The following DOCK3 variants were observed in gnomAD, a reference collection of about 807,000 sequenced individuals.
DOCK3 encodes dedicator of cytokinesis 3, also known as dedicator of cytokinesis protein 3.
A neutral mutation model predicts 265.6 loss-of-function variants in DOCK3; 60 were observed. That is an observed-to-expected ratio of 0.23 (90% CI 0.18 to 0.28). The LOEUF is 0.28. DOCK3 is among the 10% of genes least tolerant of loss of function. DOCK3 has a pLI of 1.00. For synonymous variants in DOCK3, 881 were observed against 938.0 expected, an observed-to-expected ratio of 0.94 and a Z score of 1.11; for missense variants, 1,981 against 2,594.3, an observed-to-expected ratio of 0.76 and a Z score of 5.14.
At chr3:50,713,647 T>A (rs1008466046) in intron 1 of DOCK3, among the ~76,000 whole-genome samples, 4 of 151,546 alleles carry the variant, frequency 2.6e-5, no homozygotes, top group Non-Finnish European at 4.4e-5. Flanking sequence ...ATTATATATA[T>A]ATATATATTT....
chr3:50,698,744 A>T (rs2035836264), intron 1 of DOCK3, among the ~76,000 whole-genome samples: 1 of 150,932 alleles, frequency 6.6e-6, no homozygotes, highest in Non-Finnish European at 1.5e-5. Context: ...TGTGGTTTTA[A>T]TTTGCATTTC....
chr3:50,710,199 C>T (rs193070225), intron 1 of DOCK3, among the ~76,000 whole-genome samples: 2 of 152,140 alleles, frequency 1.3e-5, no homozygotes, highest in East Asian at 3.9e-4. Context: ...TTTTGTACAG[C>T]AAAAGAAATA....
chr3:50,905,056 AAGATC>A (rs2049410358), intron 4 of DOCK3, among the ~76,000 whole-genome samples: 1 of 152,212 alleles, frequency 6.6e-6, no homozygotes, highest in Admixed American at 6.5e-5. Flanking sequence ...AGCTTTGTCA[AAGATC>A]AGATGGTTGT....
chr3:50,912,352 G>A (rs2049901277), intron 4 of DOCK3, among the ~76,000 whole-genome samples: 1 of 152,088 alleles, frequency 6.6e-6, no homozygotes, highest in African/African-American at 2.4e-5. Flanking sequence ...AGTGACACAA[G>A]CACCTCTGTG....
chr3:51,073,309 A>G (rs2081950856), intron 6 of DOCK3, among the ~76,000 whole-genome samples: 1 of 28,542 alleles, frequency 3.5e-5, no homozygotes, highest in Non-Finnish European at 6.0e-5. Flanking sequence ...TATATCTGCA[A>G]AATTATCTTT....
intron 22 of DOCK3, among the ~76,000 whole-genome samples, chr3:51,249,155 G>C (rs2079020006): frequency 1.2e-5 from 1 of 84,766 alleles, no homozygotes; most frequent in African/African-American, 4.6e-5. Context: ...GGAGGTGGGG[G>C]GGTCAGCCCC....
intron 1 of DOCK3, among the ~76,000 whole-genome samples, chr3:50,728,728 A>ATTTT (rs10630436): frequency 6.8e-6 from 1 of 147,514 alleles, no homozygotes; most frequent in Non-Finnish European, 1.5e-5. Context: ...AATAAATAGA[A>ATTTT]TTTTTTTTTT....
chr3:51,013,281 T>G (rs543950566), intron 5 of DOCK3, among the ~76,000 whole-genome samples: 1 of 152,320 alleles, frequency 6.6e-6, no homozygotes, highest in South Asian at 2.1e-4. Flanking sequence ...CCCATCTTTG[T>G]GGTTTTATCT....
intron 2 of DOCK3, among the ~76,000 whole-genome samples, chr3:50,803,365 A>G (rs1246958745): frequency 4.6e-5 from 7 of 152,206 alleles, no homozygotes; most frequent in Non-Finnish European, 1.0e-4. Context: ...GACACAGCAC[A>G]TGTTTCAGAG....
At chr3:50,997,382 C>T (rs543175841) in intron 5 of DOCK3, among the ~76,000 whole-genome samples, 4 of 152,018 alleles carry the variant, frequency 2.6e-5, no homozygotes, top group Non-Finnish European at 5.9e-5. Flanking sequence ...AAAAAAGATA[C>T]TCATATAGTG....
At chr3:50,997,409 G>A (rs1395995135) in intron 5 of DOCK3, among the ~76,000 whole-genome samples, 2 of 152,030 alleles carry the variant, frequency 1.3e-5, no homozygotes. Context: ...CAAAAGCTTG[G>A]AAGTATATAT....
At chr3:50,844,468 GC>G (rs1363773663) in intron 3 of DOCK3, among the ~76,000 whole-genome samples, 2 of 151,992 alleles carry the variant, frequency 1.3e-5, no homozygotes, top group African/African-American at 4.8e-5. Flanking sequence ...CGATGCTTCT[GC>G]CTCAGCCTCC....
At chr3:51,316,444 T>G (rs1215915148) in intron 32 of DOCK3, among the ~76,000 whole-genome samples, 2 of 152,254 alleles carry the variant, frequency 1.3e-5, no homozygotes, top group African/African-American at 4.8e-5. Flanking sequence ...CAGGTTTTTG[T>G]ATGCATATAA....
intron 9 of DOCK3, among the ~76,000 whole-genome samples, chr3:51,092,237 A>G (rs1362898980): frequency 1.3e-5 from 2 of 152,208 alleles, no homozygotes; most frequent in East Asian, 3.9e-4. Flanking sequence ...ACCCCCATGG[A>G]GCCCAGCAAA....
At chr3:51,245,526 GATT>G (rs2078796337) in intron 21 of DOCK3, among the ~76,000 whole-genome samples, 1 of 151,706 alleles carries the variant, frequency 6.6e-6, no homozygotes, top group Non-Finnish European at 1.5e-5. Context: ...AAGTAGCCGG[GATT>G]ATAGGCGCAC....
chr3:50,805,212 T>C (rs2043339709), intron 2 of DOCK3, among the ~76,000 whole-genome samples: 2 of 152,008 alleles, frequency 1.3e-5, no homozygotes, highest in Admixed American at 6.6e-5. Flanking sequence ...TTTGGTGGAG[T>C]GTGTTGACCT....
chr3:50,768,582 T>C (rs1226582180), intron 1 of DOCK3, among the ~76,000 whole-genome samples: 1 of 152,166 alleles, frequency 6.6e-6, no homozygotes, highest in African/African-American at 2.4e-5. Context: ...CACATGATTA[T>C]CTCAATAGAT....
rs558215128 is a variant in DOCK3, at chr3:50,935,771, A to G, written c.315+1694A>G. ...CACAAATGAGGGAAATCAGAAAAGC[A>G]CTGCAGAGATTTTTGTAACTGGATT... On this transcript the variant is annotated intron_variant, in intron 5 of 52. Coordinates refer to ENST00000266037, the MANE Select transcript of DOCK3 (RefSeq NM_004947.5). Among the ~76,000 whole-genome samples, 22 of 152,328 alleles carry G rather than the reference A, an allele frequency of 1.4e-4. No homozygotes were observed. In the South Asian group the frequency reaches 4.6e-3, roughly 32 times the overall value.
intron 5 of DOCK3, among the ~76,000 whole-genome samples, chr3:51,016,559 TATATTA>T (rs1559944197): frequency 6.8e-5 from 6 of 88,698 alleles, no homozygotes; most frequent in East Asian, 5.8e-4. Context: ...ATATATATCA[TATATTA>T]TATATATATT....
Sources: gnomAD v4.1 joint callset for allele counts (sites outside exome capture counted in the v4.1 genomes callset) on GRCh38, gnomAD v4.1.1 for gene constraint, MANE v1.5 for transcripts, NCBI Gene and HGNC (gene_info 2026-07-23, HGNC 2026-07-21) for gene names.